The following GRIA2 variants were observed in gnomAD, a reference collection of about 807,000 sequenced individuals.
GRIA2 encodes the protein glutamate receptor 2.
In GRIA2, 14 loss-of-function variants were observed where a neutral mutation model predicts 97.3. The observed-to-expected ratio is 0.14, with a 90% CI of 0.10 to 0.23. The LOEUF (loss-of-function observed/expected upper bound fraction) is 0.23. Among genes scored for constraint, GRIA2 ranks in the 10% least tolerant of loss-of-function variants. GRIA2 has a pLI of 1.00. For missense variants in GRIA2, 558 were observed against 1,069.8 expected (o/e 0.52, Z 6.67); for synonymous variants, 412 against 387.8 (o/e 1.06, Z -0.73).
intron 12 of GRIA2, among the ~76,000 whole-genome samples, chr4:157,358,335 A>G (rs908261680): frequency 2.0e-5 from 3 of 152,170 alleles, no homozygotes; most frequent in Admixed American, 1.3e-4. Flanking sequence ...AGAACCTACT[A>G]TGTACAAAGC....
intron 6 of GRIA2, among the ~76,000 whole-genome samples, chr4:157,330,662 A>G (rs895339170): frequency 1.3e-5 from 2 of 151,994 alleles, no homozygotes; most frequent in African/African-American, 4.8e-5. Flanking sequence ...TGCATATTTC[A>G]TTTTATTTTT....
At chr4:157,225,470 T>G (rs1729700523) in intron 2 of GRIA2, among the ~76,000 whole-genome samples, 1 of 151,948 alleles carries the variant, frequency 6.6e-6, no homozygotes. Context: ...ATACAAAGCA[T>G]AAAAGCAGAA....
chr4:157,264,141 A>G (rs1283685341), intron 2 of GRIA2, among the ~76,000 whole-genome samples: 1 of 152,116 alleles, frequency 6.6e-6, no homozygotes, highest in Non-Finnish European at 1.5e-5. Flanking sequence ...AGTTCACCAC[A>G]TTGATTGGGT....
At chr4:157,285,027 T>C (rs936965482) in intron 2 of GRIA2, among the ~76,000 whole-genome samples, 5 of 151,734 alleles carry the variant, frequency 3.3e-5, no homozygotes, top group African/African-American at 1.2e-4. Context: ...GTTTGATGAA[T>C]TCACATATCT....
chr4:157,221,568 G>T, intron 1 of GRIA2, 99 bp from the exon 2 acceptor site: 1 of 1,252,676 alleles, frequency 8.0e-7, no homozygotes, highest in Non-Finnish European at 1.1e-6. Context: ...CTATTCGCGT[G>T]AATAAGAGAC....
chr4:157,350,829 A>T (rs1182145768), intron 12 of GRIA2, among the ~76,000 whole-genome samples: 1 of 152,000 alleles, frequency 6.6e-6, no homozygotes, highest in Non-Finnish European at 1.5e-5. Context: ...GATTTTAATG[A>T]ATTGTGGTAA....
intron 2 of GRIA2, among the ~76,000 whole-genome samples, chr4:157,294,726 G>C (rs1266124700): frequency 6.6e-6 from 1 of 152,090 alleles, no homozygotes; most frequent in Non-Finnish European, 1.5e-5. Context: ...TGAGGGCATG[G>C]AGACATTTGA....
At position 157,336,534 on chromosome 4, in the gene GRIA2, A is replaced by G. The variant is rs1735295409; in HGVS notation, c.1631A>G (p.Tyr544Cys). 2 of 1,613,232 alleles carry G rather than the reference A, an allele frequency of 1.2e-6. No individual in the cohort carries two copies. Among genetic ancestry groups the G allele is most frequent in the Non-Finnish European group, 1.7e-6 (2 of 1,179,526 alleles). The change falls in exon 11 of 16, where the codon TAT becomes TGT. Residue 544 changes from tyrosine (Y) to cysteine (C), a missense_variant. Around this residue, in one of 8 missense-constraint regions of GRIA2, gnomAD observed 125 missense variants for 310.2 expected, o/e 0.40. Transcript: ENST00000264426. ...GVFSFLDPLA[Y>C]EIWMCIVFAY... ...TTTTCCTTTCTTGATCCTTTAGCCT[A>G]TGAGATCTGGATGTGCATTGTTTTT...
chr4:157,223,936 A>G (rs1729628239), intron 2 of GRIA2, among the ~76,000 whole-genome samples: 1 of 152,200 alleles, frequency 6.6e-6, no homozygotes, highest in Non-Finnish European at 1.5e-5. Flanking sequence ...TTAGATACTC[A>G]TTCTCAATAT....
intron 12 of GRIA2, among the ~76,000 whole-genome samples, chr4:157,348,646 G>T (rs1374938343): frequency 6.6e-6 from 1 of 152,090 alleles, no homozygotes; most frequent in Non-Finnish European, 1.5e-5. Context: ...AAGGAACAAA[G>T]ATCTTATCAT....
intron 2 of GRIA2, among the ~76,000 whole-genome samples, chr4:157,252,323 T>C (rs1189265192): frequency 6.6e-6 from 1 of 152,140 alleles, no homozygotes; most frequent in Non-Finnish European, 1.5e-5. Flanking sequence ...ATCCTTTTAC[T>C]TGAAGGAATG....
chr4:157,252,884 C>G (rs943316686), intron 2 of GRIA2, among the ~76,000 whole-genome samples: 3 of 151,902 alleles, frequency 2.0e-5, no homozygotes, highest in Non-Finnish European at 2.9e-5. Flanking sequence ...TTTAAAATTG[C>G]TATCTAGTTC....
At chr4:157,270,597 T>C (rs916942210) in intron 2 of GRIA2, among the ~76,000 whole-genome samples, 1 of 152,102 alleles carries the variant, frequency 6.6e-6, no homozygotes, top group Non-Finnish European at 1.5e-5. Flanking sequence ...TCCCAGTTGA[T>C]GGAAAAGTGA....
intron 2 of GRIA2, among the ~76,000 whole-genome samples, chr4:157,297,318 A>T (rs1414021467): frequency 6.6e-6 from 1 of 152,150 alleles, no homozygotes; most frequent in Non-Finnish European, 1.5e-5. Flanking sequence ...ACACATAAGC[A>T]CTTGTCTTGT....
At chr4:157,284,963 C>A (rs576860842) in intron 2 of GRIA2, among the ~76,000 whole-genome samples, 1 of 151,742 alleles carries the variant, frequency 6.6e-6, no homozygotes, top group Non-Finnish European at 1.5e-5. Flanking sequence ...GAAATTATTG[C>A]TGGTGTGTAC....
chr4:157,283,565 C>G (rs190035379), intron 2 of GRIA2, among the ~76,000 whole-genome samples: 1 of 151,932 alleles, frequency 6.6e-6, no homozygotes, highest in African/African-American at 2.4e-5. Context: ...TCATCAGAAT[C>G]ACTGGCCTTA....
At chr4:157,315,377 CAAAAAAA>C (rs1313075078) in intron 4 of GRIA2, among the ~76,000 whole-genome samples, 1 of 53,832 alleles carries the variant, frequency 1.9e-5, no homozygotes, top group Admixed American at 2.0e-4. Context: ...AGGTACATTC[CAAAAAAA>C]AAAAAAAAGA....
intron 13 of GRIA2, 196 bp from the exon 14 acceptor site, chr4:157,360,814 G>A (rs1186691661): frequency 4.8e-6 from 3 of 619,502 alleles, no homozygotes; most frequent in African/African-American, 1.9e-5. Context: ...TTTTCTTTTT[G>A]TTATGCTCTA....
chr4:157,288,899 T>C (rs571035888), intron 2 of GRIA2, among the ~76,000 whole-genome samples: 1 of 152,002 alleles, frequency 6.6e-6, no homozygotes, highest in Non-Finnish European at 1.5e-5. Context: ...GTTATAGTGA[T>C]AACTGGAAGA....
Sources: allele counts gnomAD v4.1 joint callset (sites outside exome capture counted in the v4.1 genomes callset), GRCh38; gene constraint gnomAD v4.1.1; regional missense constraint gnomAD v4.1.1; transcripts MANE v1.5; gene names NCBI Gene and HGNC (gene_info 2026-07-23, HGNC 2026-07-21).